The following MMP16 variants were observed in gnomAD, a reference collection of about 807,000 sequenced individuals.
MMP16 encodes matrix metalloproteinase-16.
In MMP16, 12 loss-of-function variants were observed where a neutral mutation model predicts 67.8. That is an observed-to-expected ratio of 0.18 (90% CI 0.11 to 0.29). The LOEUF (loss-of-function observed/expected upper bound fraction) is 0.29. Ranked by LOEUF, MMP16 falls within the 10% of genes least tolerant of loss-of-function variation. The probability of loss-of-function intolerance (pLI) is 1.00; values close to 1 mark genes in which losing one functional copy is unlikely to be tolerated. For synonymous variants in MMP16, 249 were observed against 255.9 expected, an observed-to-expected ratio of 0.97 and a Z score of 0.26; for missense variants, 475 against 765.7, an observed-to-expected ratio of 0.62 and a Z score of 4.48.
At chr8:88,204,260 C>T (rs977367073) in intron 1 of MMP16, among the ~76,000 whole-genome samples, 1 of 152,122 alleles carries the variant, frequency 6.6e-6, no homozygotes, top group Non-Finnish European at 1.5e-5. Context: ...TGGTAATTTA[C>T]CTGCTGAATT....
chr8:88,111,891 C>A (rs544833307), intron 6 of MMP16, among the ~76,000 whole-genome samples: 4 of 151,716 alleles, frequency 2.6e-5, no homozygotes, highest in African/African-American at 9.6e-5. Context: ...TGAAGATGGT[C>A]ACATCTAAGA....
rs188050549 is a variant in MMP16, at chr8:88,039,130, C to A, written c.*2331G>T. ...ATCCATTTCCAAATAAGAATGTATACCTACACTCATTAAAAATCATCTGGA... is the reference window on the plus strand; with the variant it reads ...ATCCATTTCCAAATAAGAATGTATAACTACACTCATTAAAAATCATCTGGA... On this transcript the variant is annotated 3_prime_UTR_variant, in exon 10 of 10. Transcript: ENST00000286614. The surrounding 1 kb of genome is among the most constrained non-coding windows in gnomAD (Gnocchi z 4.5). 5 of 152,528 alleles carry A rather than the reference C, an allele frequency of 3.3e-5. No homozygotes were observed. The Admixed American group carries it at 3.3e-4, about 10-fold the overall frequency. 9.4% of individuals were successfully genotyped at this position (152,528 alleles called of 1,614,324 possible). A position where few individuals can be genotyped will look rare whatever the true frequency, so the allele number is the denominator to read the frequency against.
intron 1 of MMP16, among the ~76,000 whole-genome samples, chr8:88,248,812 C>T (rs1175318967): frequency 1.3e-5 from 2 of 150,046 alleles, no homozygotes; most frequent in Non-Finnish European, 3.0e-5. Context: ...AAAAAAATTA[C>T]TGTTTCCCAA....
At chr8:88,166,623 T>C (rs1385587468) in intron 4 of MMP16, among the ~76,000 whole-genome samples, 4 of 144,082 alleles carry the variant, frequency 2.8e-5, no homozygotes, top group East Asian at 4.1e-4. Flanking sequence ...ATAAATTATA[T>C]AGTCCCATCA....
intron 1 of MMP16, among the ~76,000 whole-genome samples, chr8:88,213,405 C>T (rs1002663405): frequency 8.6e-5 from 13 of 151,958 alleles, no homozygotes; most frequent in East Asian, 7.7e-4. Flanking sequence ...AATATTCTAC[C>T]GTATTCAATA....
chr8:88,121,289 C>A (rs978406668), intron 4 of MMP16, among the ~76,000 whole-genome samples: 2 of 151,840 alleles, frequency 1.3e-5, no homozygotes, highest in Non-Finnish European at 2.9e-5. Context: ...ATTAATAGAA[C>A]CAGGATATGA....
At chr8:88,286,348 C>T (rs1810831751) in intron 1 of MMP16, among the ~76,000 whole-genome samples, 1 of 152,096 alleles carries the variant, frequency 6.6e-6, no homozygotes, top group Non-Finnish European at 1.5e-5. Flanking sequence ...GCTTTGGTTA[C>T]CTCCTGATTA....
intron 1 of MMP16, among the ~76,000 whole-genome samples, chr8:88,205,124 T>C (rs767615480): frequency 2.0e-5 from 3 of 152,180 alleles, no homozygotes; most frequent in African/African-American, 7.2e-5. Flanking sequence ...TTAATCCTTA[T>C]AGTAAGTTCT....
intron 1 of MMP16, chr8:88,326,737 G>T: frequency 4.9e-6 from 1 of 202,264 alleles, no homozygotes; most frequent in Non-Finnish European, 1.0e-5. Flanking sequence ...TGTCTTCCCC[G>T]AGCTGTTTAT....
chr8:88,033,279 TAATC>T lies in MMP16; in HGVS notation c.*8178_*8181del, dbSNP rs1218412852. On this transcript the variant is annotated 3_prime_UTR_variant, in exon 10 of 10. Coordinates refer to ENST00000286614, the MANE Select transcript of MMP16 (RefSeq NM_005941.5). ...TAAGTTTATGGGAGCTTTTTCTCCTTAATCTATCTAGTAAATATATATATATATA... is the reference window on the plus strand; with the variant it reads ...TAAGTTTATGGGAGCTTTTTCTCCTTTATCTAGTAAATATATATATATATA... 3 of 143,766 alleles carry T rather than the reference TAATC, an allele frequency of 2.1e-5. No individual in the cohort carries two copies. Among genetic ancestry groups the T allele is most frequent in the Non-Finnish European group, 3.0e-5 (2 of 66,538 alleles). 8.9% of individuals were successfully genotyped at this position (143,766 alleles called of 1,614,324 possible).
chr8:88,056,524 T>G (rs1808335062), intron 7 of MMP16, among the ~76,000 whole-genome samples: 1 of 151,776 alleles, frequency 6.6e-6, no homozygotes, highest in Non-Finnish European at 1.5e-5. Flanking sequence ...TAACCAAAAT[T>G]TGTGAGTGAA....
chr8:88,088,191 C>A (rs1361731869), intron 6 of MMP16, among the ~76,000 whole-genome samples: 3 of 147,702 alleles, frequency 2.0e-5, no homozygotes, highest in Admixed American at 6.7e-5. Flanking sequence ...TCCTGACCCA[C>A]AAAATGGTGA....
At chr8:88,251,138 T>C (rs923338122) in intron 1 of MMP16, among the ~76,000 whole-genome samples, 1 of 152,000 alleles carries the variant, frequency 6.6e-6, no homozygotes, top group African/African-American at 2.4e-5. Flanking sequence ...TAGTATTCCA[T>C]GGTGTATATG....
intron 1 of MMP16, among the ~76,000 whole-genome samples, chr8:88,249,971 A>T (rs1810181481): frequency 1.3e-5 from 2 of 152,092 alleles, no homozygotes; most frequent in South Asian, 4.1e-4. Context: ...TACTTGTTTT[A>T]TTTTAGCACT....
At chr8:88,284,662 C>T (rs890057397) in intron 1 of MMP16, among the ~76,000 whole-genome samples, 8 of 152,114 alleles carry the variant, frequency 5.3e-5, no homozygotes, top group East Asian at 1.9e-4. Context: ...GCTAGAAGAA[C>T]GCTGCTAAGT....
chr8:88,287,834 G>A (rs1246032371), intron 1 of MMP16, among the ~76,000 whole-genome samples: 4 of 152,276 alleles, frequency 2.6e-5, no homozygotes, highest in Middle Eastern at 3.4e-3. Flanking sequence ...CAAAAAGGTT[G>A]TAAGACAGAT....
At chr8:88,248,955 T>A (rs1017409890) in intron 1 of MMP16, among the ~76,000 whole-genome samples, 3 of 152,066 alleles carry the variant, frequency 2.0e-5, no homozygotes, top group African/African-American at 7.2e-5. Context: ...ATCTCTTACT[T>A]AATTTCTTGT....
At position 88,057,112 on chromosome 8, in the gene MMP16, A is replaced by C. The variant is rs1808342190; in HGVS notation, c.1223-834T>G. 2.0e-5 allele frequency among the ~76,000 whole-genome samples: 3 copies of C among 152,164 alleles called. No individual in the cohort carries two copies. The South Asian group carries it at 6.2e-4, about 32-fold the overall frequency. On this transcript the variant is annotated intron_variant, in intron 7 of 9. Transcript: ENST00000286614. Reference sequence around the variant, plus strand: ...AGTCACCAATGCCCTCCAACTAAAAAATTTTCCACCCTTATCTATTGACAC... The same window carrying C: ...AGTCACCAATGCCCTCCAACTAAAACATTTTCCACCCTTATCTATTGACAC...
intron 1 of MMP16, among the ~76,000 whole-genome samples, chr8:88,205,820 A>G (rs1186528547): frequency 6.6e-6 from 1 of 152,156 alleles, no homozygotes; most frequent in African/African-American, 2.4e-5. Context: ...TTCTGACCTC[A>G]GCCAAATGTC....
Sources: allele counts gnomAD v4.1 joint callset (sites outside exome capture counted in the v4.1 genomes callset), GRCh38; gene constraint gnomAD v4.1.1; non-coding constraint Gnocchi (gnomAD v3.1); transcripts MANE v1.5; gene names NCBI Gene and HGNC (gene_info 2026-07-23, HGNC 2026-07-21).